The following TRIP12 variants were observed in gnomAD, a reference collection of about 807,000 sequenced individuals.
TRIP12 encodes E3 ubiquitin-protein ligase TRIP12.
TRIP12 carries 25 observed loss-of-function variants against 244.2 expected under a neutral mutation model. The ratio of observed to expected loss-of-function variants is 0.10; its 90% confidence interval spans 0.07 to 0.14. The LOEUF (loss-of-function observed/expected upper bound fraction) is 0.14. Ranked by LOEUF, TRIP12 falls within the 10% of genes least tolerant of loss-of-function variation. The probability of loss-of-function intolerance (pLI) is 1.00; values close to 1 mark genes in which losing one functional copy is unlikely to be tolerated. For synonymous variants in TRIP12, 905 were observed against 873.1 expected, an observed-to-expected ratio of 1.04 and a Z score of -0.64; for missense variants, 1,677 against 2,486.4, an observed-to-expected ratio of 0.67 and a Z score of 6.92.
In TRIP12 at chr2:229,805,844, T is replaced by C; in HGVS notation, c.2536A>G (p.Thr846Ala). The C allele has an allele frequency of 6.2e-7, 1 of 1,601,550 alleles. No homozygotes were observed. The highest frequency in any genetic ancestry group is 8.5e-7 in the Non-Finnish European group (1 of 1,170,694). Residue 846 changes from threonine to alanine, a missense_variant, in exon 18 of 42, where the codon ACT (threonine) becomes GCT (alanine). Coordinates refer to ENST00000675903, the MANE Select transcript of TRIP12 (RefSeq NM_001348323.3). The part of the protein sequence containing the change: ...QVGEDEISLS[T>A]LGRVYTIDFN... The stretch of plus-strand genomic sequence containing the variant: ...TCAATAGTATAAACTCGTCCCAGAG[T>C]GGACAAGCTTATCTCATCCTCACCG...
chr2:229,901,358 C>T (rs189523668), intron 1 of TRIP12, among the ~76,000 whole-genome samples: 1 of 151,916 alleles, frequency 6.6e-6, no homozygotes, highest in East Asian at 1.9e-4. Context: ...AGGTGGCTTA[C>T]GCTTGTAATC....
At position 229,904,845 on chromosome 2, in the gene TRIP12, T is replaced by C. The variant is rs192836472; in HGVS notation, c.-50+17035A>G. On this transcript the variant is annotated intron_variant, in intron 1 of 41. Transcript: ENST00000675903. ...AAATAAAGTATAGGTAGTAATAATG[T>C]ATCAATACTGGGTCATTAGTTGTGT... 1.1e-3 allele frequency among the ~76,000 whole-genome samples: 170 copies of C among 152,292 alleles called. 1 individual carries two copies. Among genetic ancestry groups the C allele is most frequent in the Middle Eastern group, 3.4e-3 (1 of 294 alleles).
intron 33 of TRIP12, among the ~76,000 whole-genome samples, chr2:229,786,672 C>A (rs760336909): frequency 6.6e-6 from 1 of 150,986 alleles, no homozygotes; most frequent in Non-Finnish European, 1.5e-5. Flanking sequence ...CCGCCTCGGC[C>A]TCCCAAAGTG....
At chr2:229,796,835 A>G in intron 24 of TRIP12, 53 bp from the exon 25 acceptor site, 3 of 1,458,196 alleles carry the variant, frequency 2.1e-6, no homozygotes, top group Non-Finnish European at 2.8e-6. Flanking sequence ...CACTTAAAAA[A>G]TACACAACTC....
chr2:229,829,247 G>A lies in TRIP12; in HGVS notation c.1396C>T (p.Pro466Ser). 1 of 1,613,884 alleles carries A rather than the reference G, an allele frequency of 6.2e-7. No individual in the cohort carries two copies. The highest frequency in any genetic ancestry group is 8.5e-7 in the Non-Finnish European group (1 of 1,179,932). ...ARGLPPHLFGPLGPRMSQLFH... is the reference protein window; with the variant it reads ...ARGLPPHLFGSLGPRMSQLFH... ...AGCTGTGACATCCGAGGACCAAGAG[G>A]ACCAAATAGGTGAGGGGGAAGACCC... The change falls in exon 8 of 42, where the codon CCT (proline) becomes TCT (serine). Residue 466 changes from proline (P) to serine (S), a missense_variant. By Grantham distance (74) the Pro-to-Ser change is moderately conservative. Around this residue, in one of 11 missense-constraint regions of TRIP12, gnomAD observed 143 missense variants for 215.6 expected, o/e 0.66. Coordinates refer to ENST00000675903, the MANE Select transcript of TRIP12 (RefSeq NM_001348323.3).
chr2:229,870,659 A>T (rs546310027), intron 2 of TRIP12, among the ~76,000 whole-genome samples: 1 of 152,240 alleles, frequency 6.6e-6, no homozygotes, highest in Non-Finnish European at 1.5e-5. Flanking sequence ...ATTACTAAAG[A>T]AGGAAATTGC....
At chr2:229,851,492 T>C (rs1186239819) in intron 4 of TRIP12, among the ~76,000 whole-genome samples, 1 of 151,944 alleles carries the variant, frequency 6.6e-6, no homozygotes, top group Non-Finnish European at 1.5e-5. Flanking sequence ...AGGATGTGGG[T>C]GGGGCCAGAT....
chr2:229,888,656 T>C (rs946373265), intron 1 of TRIP12, among the ~76,000 whole-genome samples: 2 of 151,900 alleles, frequency 1.3e-5, no homozygotes, highest in African/African-American at 4.8e-5. Context: ...ATACAAAAAT[T>C]AGCGAGGGCG....
intron 1 of TRIP12, among the ~76,000 whole-genome samples, chr2:229,892,388 CAG>C (rs1362136868): frequency 6.6e-6 from 1 of 152,074 alleles, no homozygotes; most frequent in Non-Finnish European, 1.5e-5. Flanking sequence ...AACAGTGGAG[CAG>C]AGAGAGAAGT....
rs1401278321 is a variant in TRIP12 at position 229,799,307 on chromosome 2, C to T, written c.3283G>A (p.Asp1095Asn). 1.2e-6 allele frequency: 2 copies of T among 1,614,176 alleles called. No individual in the cohort carries two copies. The highest frequency in any genetic ancestry group is 2.2e-5 in the East Asian group (1 of 44,880). ...PRRPKYSPPR[D>N]DDKVDNQAKS... ...CCTTGATTGTCTACTTTGTCATCAT[C>T]TCTTGGAGGTGAGTACTTTGGCCTT... The change falls in exon 22 of 42, where the codon GAT becomes AAT. Residue 1095 changes from aspartate (D) to asparagine (N), a missense_variant. Asp to Asn is a conservative substitution (Grantham distance 23). Around this residue, in one of 11 missense-constraint regions of TRIP12, gnomAD observed 572 missense variants for 867.8 expected, o/e 0.66. Transcript: ENST00000675903.
At chr2:229,865,723 G>A (rs1205237029) in intron 2 of TRIP12, among the ~76,000 whole-genome samples, 1 of 151,874 alleles carries the variant, frequency 6.6e-6, no homozygotes, top group East Asian at 1.9e-4. Context: ...TTCAAATGCT[G>A]GAAAATCCAT....
At chr2:229,862,758 A>C (rs1433430902) in intron 2 of TRIP12, among the ~76,000 whole-genome samples, 1 of 152,174 alleles carries the variant, frequency 6.6e-6, no homozygotes, top group East Asian at 1.9e-4. Context: ...TGTTCTGTTG[A>C]CTTTTATATA....
At chr2:229,836,465 T>C (rs1452392586) in intron 6 of TRIP12, among the ~76,000 whole-genome samples, 1 of 152,352 alleles carries the variant, frequency 6.6e-6, no homozygotes, top group South Asian at 2.1e-4. Flanking sequence ...AGGTTCAAAC[T>C]GAATACTTGT....
At chr2:229,897,180 A>C (rs2069079403) in intron 1 of TRIP12, among the ~76,000 whole-genome samples, 1 of 152,236 alleles carries the variant, frequency 6.6e-6, no homozygotes, top group African/African-American at 2.4e-5. Flanking sequence ...AGAGATAAAA[A>C]GAGTACCTCC....
At chr2:229,786,564 ATTTTTTTT>A (rs34969936) in intron 33 of TRIP12, among the ~76,000 whole-genome samples, 51 of 78,020 alleles carry the variant, frequency 6.5e-4, no homozygotes, top group Admixed American at 3.8e-3. Context: ...CGCCCAGATA[ATTTTTTTT>A]TTTTTTTTTT....
At position 229,903,833 on chromosome 2, in the gene TRIP12, T is replaced by C. The variant is rs1429015275; in HGVS notation, c.-50+18047A>G. Among the ~76,000 whole-genome samples the C allele has an allele frequency of 6.2e-5, 9 of 145,214 alleles. No homozygotes were observed. The East Asian group carries it at 8.2e-4, about 13-fold the overall frequency. The stretch of plus-strand genomic sequence containing the variant: ...GAGTTCAAGACCAGCCTGGGCAACA[T>C]GGTGAAACCCCATGTTGTCTCTACC... On this transcript the variant is annotated intron_variant, in intron 1 of 41. Coordinates refer to ENST00000675903, the MANE Select transcript of TRIP12 (RefSeq NM_001348323.3).
chr2:229,804,194 C>A lies in TRIP12; in HGVS notation c.2684G>T (p.Arg895Leu). Residue 895 changes from arginine to leucine, a missense_variant, in exon 19 of 42, where the codon CGA (arginine) becomes CTA (leucine). By Grantham distance (102) the Arg-to-Leu change is moderately radical. Coordinates refer to ENST00000675903, the MANE Select transcript of TRIP12 (RefSeq NM_001348323.3). ...CGGATCCTCTTTCATAAGCTGTGCT[C>A]GAGCATCATCCTTCTTTGACTCTGA... ...GYSESKKDDA[R>L]AQLMKEDPEL... is the part of the protein sequence containing the mutation. The A allele has an allele frequency of 6.2e-7, 1 of 1,613,670 alleles. No homozygotes were observed. Among genetic ancestry groups the A allele is most frequent in the South Asian group, 1.1e-5 (1 of 90,978 alleles).
In TRIP12 at chr2:229,804,060, T is replaced by A; in HGVS notation, c.2818A>T (p.Ile940Leu). 1 of 1,614,166 alleles carries A rather than the reference T, an allele frequency of 6.2e-7. No individual in the cohort carries two copies. The highest frequency in any genetic ancestry group is 1.1e-5 in the South Asian group (1 of 91,080). The change falls in exon 19 of 42, where the codon ATA becomes TTA. Residue 940 changes from isoleucine to leucine, a missense_variant. Transcript: ENST00000675903. ...RHKCLRAILR[I>L]IYFADAELLK... ...AGTTCAGCATCCGCAAAATAAATTA[T>A]CCTAAGAATTGCTCTAAGGCACTTA...
At chr2:229,810,827 T>C in intron 15 of TRIP12, 53 bp downstream of exon 15, 2 of 1,578,888 alleles carry the variant, frequency 1.3e-6, no homozygotes, top group Admixed American at 1.7e-5. Context: ...CTTTACATAT[T>C]AATGAAGAAC....
Sources: gnomAD v4.1 joint callset for allele counts (sites outside exome capture counted in the v4.1 genomes callset) on GRCh38, gnomAD v4.1.1 for gene constraint, gnomAD v4.1.1 regional missense constraint, MANE v1.5 for transcripts, NCBI Gene and HGNC (gene_info 2026-07-23, HGNC 2026-07-21) for gene names.